RAD51B: variants seen among roughly 807,000 people sequenced by gnomAD.
RAD51B encodes DNA repair protein RAD51 homolog 2.
Under a neutral mutation model 42.2 loss-of-function variants are expected in RAD51B, and 38 were observed. The observed-to-expected ratio is 0.90, with a 90% CI of 0.70 to 1.18. The LOEUF is 1.18. Among genes scored for constraint, RAD51B ranks in the 50% most tolerant of loss-of-function variants. The probability of loss-of-function intolerance (pLI) is 0.00; values close to 1 mark genes in which losing one functional copy is unlikely to be tolerated. For missense variants in RAD51B, 373 were observed against 400.7 expected, an observed-to-expected ratio of 0.93 and a Z score of 0.59; for synonymous variants, 154 against 145.2, an observed-to-expected ratio of 1.06 and a Z score of -0.43.
chr14:67,951,414 C>T (rs1038557407), intron 7 of RAD51B, among the ~76,000 whole-genome samples: 1 of 152,150 alleles, frequency 6.6e-6, no homozygotes, highest in Non-Finnish European at 1.5e-5. Context: ...AGAAATTAAA[C>T]ATTAAATGGT....
At chr14:68,663,852 A>G (rs1394778721) in intron 11 of RAD51B, among the ~76,000 whole-genome samples, 7 of 152,246 alleles carry the variant, frequency 4.6e-5, no homozygotes, top group Non-Finnish European at 7.3e-5. Context: ...CTCTTCTGTA[A>G]AATGGGAGCA....
chr14:68,503,769 C>T (rs149307572), intron 10 of RAD51B, among the ~76,000 whole-genome samples: 6 of 152,270 alleles, frequency 3.9e-5, no homozygotes, highest in African/African-American at 1.2e-4. Context: ...GCTGAACACA[C>T]GCAGGCCTCT....
intron 8 of RAD51B, among the ~76,000 whole-genome samples, chr14:68,315,615 G>A (rs112524897): frequency 5.9e-5 from 9 of 152,020 alleles, no homozygotes; most frequent in East Asian, 1.9e-4. Flanking sequence ...TCCACCTCCC[G>A]GGTTCACACC....
At chr14:68,494,322 C>T (rs1884329459) in intron 10 of RAD51B, among the ~76,000 whole-genome samples, 1 of 151,352 alleles carries the variant, frequency 6.6e-6, no homozygotes, top group East Asian at 1.9e-4. Flanking sequence ...CAGTACTGCT[C>T]TATTAGAAAA....
At chr14:68,656,488 G>C (rs867168105) in intron 11 of RAD51B, among the ~76,000 whole-genome samples, 1 of 152,142 alleles carries the variant, frequency 6.6e-6, no homozygotes, top group African/African-American at 2.4e-5. Flanking sequence ...GGAGGCTGCT[G>C]TGTGCTGCCA....
intron 7 of RAD51B, among the ~76,000 whole-genome samples, chr14:68,156,121 T>C (rs911432382): frequency 6.6e-6 from 1 of 152,242 alleles, no homozygotes; most frequent in African/African-American, 2.4e-5. Context: ...TTGCTTTGCC[T>C]GCTCTGTCAG....
At chr14:67,837,934 C>T (rs1340420151) in intron 4 of RAD51B, among the ~76,000 whole-genome samples, 1 of 152,176 alleles carries the variant, frequency 6.6e-6, no homozygotes, top group Non-Finnish European at 1.5e-5. Flanking sequence ...TGCTAACCAA[C>T]CTTTGGCTGT....
intron 7 of RAD51B, among the ~76,000 whole-genome samples, chr14:68,051,804 T>C (rs1427138613): frequency 6.6e-6 from 1 of 152,086 alleles, no homozygotes; most frequent in Non-Finnish European, 1.5e-5. Flanking sequence ...GGTCTCACTG[T>C]ATTGTCCAGG....
At chr14:67,871,786 T>C (rs1369435079) in intron 5 of RAD51B, among the ~76,000 whole-genome samples, 5 of 151,904 alleles carry the variant, frequency 3.3e-5, no homozygotes, top group South Asian at 2.1e-4. Context: ...GTTCAATATA[T>C]GCAAATCAAT....
chr14:68,331,871 A>T (rs1276222837), intron 8 of RAD51B, among the ~76,000 whole-genome samples: 1 of 152,214 alleles, frequency 6.6e-6, no homozygotes, highest in Non-Finnish European at 1.5e-5. Flanking sequence ...TCAATTCTGC[A>T]AACTGGTTAT....
intron 5 of RAD51B, among the ~76,000 whole-genome samples, chr14:67,880,676 C>A (rs186622637): frequency 1.9e-4 from 29 of 152,066 alleles, no homozygotes; most frequent in Non-Finnish European, 2.6e-4. Context: ...TTTTTATTGA[C>A]TGATTTTTCT....
intron 9 of RAD51B, among the ~76,000 whole-genome samples, chr14:68,444,994 C>T (rs890214984): frequency 3.3e-5 from 5 of 151,814 alleles, no homozygotes; most frequent in East Asian, 1.9e-4. Context: ...TGTGGGTCCT[C>T]GGGGAGCTCT....
rs1163849500 is a variant in RAD51B at position 67,825,528 on chromosome 14, A to G, written c.149A>G (p.His50Arg). The change falls in exon 3 of 11, where the codon CAT becomes CGT. Residue 50 changes from histidine (H) to arginine (R), a missense_variant. Coordinates refer to ENST00000471583, the MANE Select transcript of RAD51B (RefSeq NM_133510.4). ...KVTGLSYRGV[H>R]ELLCMVSRAC... ...ACTGGTCTGAGTTATCGAGGTGTCC[A>G]TGAACTTCTATGTATGGTCAGCAGG... 6 of 1,613,692 alleles carry G rather than the reference A, an allele frequency of 3.7e-6. No individual in the cohort carries two copies. Among genetic ancestry groups the G allele is most frequent in the East Asian group, 4.5e-5 (2 of 44,880 alleles).
At chr14:68,342,984 C>CTT (rs542285964) in intron 8 of RAD51B, among the ~76,000 whole-genome samples, 12 of 141,538 alleles carry the variant, frequency 8.5e-5, no homozygotes, top group African/African-American at 2.6e-4. Context: ...TTTCTGCTGC[C>CTT]TTTTTTTTTT....
chr14:67,961,529 G>T (rs1196206674), intron 7 of RAD51B, among the ~76,000 whole-genome samples: 3 of 152,152 alleles, frequency 2.0e-5, no homozygotes, highest in African/African-American at 7.2e-5. Flanking sequence ...CACATAGCTT[G>T]AGGAAGGATA....
intron 7 of RAD51B, among the ~76,000 whole-genome samples, chr14:67,920,766 C>T (rs868091433): frequency 3.3e-5 from 5 of 152,096 alleles, no homozygotes; most frequent in Middle Eastern, 6.8e-3. Flanking sequence ...GGCATCATTC[C>T]CACCCTCCGA....
chr14:67,920,615 C>G (rs1357765489), intron 7 of RAD51B, among the ~76,000 whole-genome samples: 1 of 152,018 alleles, frequency 6.6e-6, no homozygotes, highest in Non-Finnish European at 1.5e-5. Context: ...ATACTGTGTA[C>G]AATTTTATGA....
chr14:67,978,300 T>C (rs534514810), intron 7 of RAD51B, among the ~76,000 whole-genome samples: 2 of 152,340 alleles, frequency 1.3e-5, no homozygotes, highest in East Asian at 3.9e-4. Flanking sequence ...AAGGCTAAAG[T>C]TCTTGATTCT....
At chr14:67,827,492 G>T (rs1403870765) in intron 3 of RAD51B, among the ~76,000 whole-genome samples, 5 of 150,724 alleles carry the variant, frequency 3.3e-5, no homozygotes, top group Admixed American at 3.3e-4. Flanking sequence ...TTTATTGTAA[G>T]TTCCGGGGTA....
Sources: allele counts gnomAD v4.1 joint callset (sites outside exome capture counted in the v4.1 genomes callset), GRCh38; gene constraint gnomAD v4.1.1; transcripts MANE v1.5; gene names NCBI Gene and HGNC (gene_info 2026-07-23, HGNC 2026-07-21).